FSTL5: variants seen among roughly 807,000 people sequenced by gnomAD.
FSTL5 encodes follistatin like 5, also known as follistatin-related protein 5.
FSTL5 carries 62 observed loss-of-function variants against 89.1 expected under a neutral mutation model. The ratio of observed to expected loss-of-function variants is 0.70; its 90% CI spans 0.57 to 0.86. FSTL5 has a LOEUF of 0.86. Ranked by LOEUF, FSTL5 falls within the 40% of genes least tolerant of loss-of-function variation. The pLI is 0.00. For synonymous variants in FSTL5, 383 were observed against 346.2 expected, an observed-to-expected ratio of 1.11 and a Z score of -1.18; for missense variants, 1,057 against 1,001.6, an observed-to-expected ratio of 1.06 and a Z score of -0.75.
chr4:162,082,758 C>G (rs1730151209), intron 2 of FSTL5, among the ~76,000 whole-genome samples: 1 of 151,336 alleles, frequency 6.6e-6, no homozygotes, highest in East Asian at 1.9e-4. Context: ...CTTCTGATGT[C>G]AGGATCATAT....
chr4:161,437,221 G>A (rs898290241), intron 15 of FSTL5, among the ~76,000 whole-genome samples: 2 of 151,978 alleles, frequency 1.3e-5, no homozygotes, highest in African/African-American at 4.8e-5. Flanking sequence ...AGATCACTGC[G>A]GGTTTGACAG....
intron 15 of FSTL5, among the ~76,000 whole-genome samples, chr4:161,396,222 C>T (rs377722366): frequency 6.6e-6 from 1 of 152,054 alleles, no homozygotes. Context: ...CATGAACGCA[C>T]ACATGACTGA....
intron 12 of FSTL5, among the ~76,000 whole-genome samples, chr4:161,497,854 ATAAGT>A (rs35436741): frequency 0.017 from 2,564 of 152,054 alleles, 67 homozygotes; most frequent in African/African-American, 0.058. Context: ...TTTGAAGAAA[ATAAGT>A]TAAAGTTGTC....
intron 2 of FSTL5, among the ~76,000 whole-genome samples, chr4:162,049,489 T>C (rs985880531): frequency 2.0e-5 from 3 of 152,156 alleles, no homozygotes; most frequent in Non-Finnish European, 4.4e-5. Flanking sequence ...ACAATATAGT[T>C]TGTTTGAAAG....
At chr4:161,766,558 T>G (rs986366090) in intron 5 of FSTL5, among the ~76,000 whole-genome samples, 2 of 152,202 alleles carry the variant, frequency 1.3e-5, no homozygotes, top group Non-Finnish European at 2.9e-5. Context: ...CCCATGATTC[T>G]CCAACCTAAA....
chr4:161,986,955 T>C (rs1030839115), intron 3 of FSTL5, among the ~76,000 whole-genome samples: 1 of 152,174 alleles, frequency 6.6e-6, no homozygotes, highest in African/African-American at 2.4e-5. Context: ...TATTCAAAAC[T>C]AGAAGTTGTG....
chr4:161,658,367 G>A (rs1231360977), intron 6 of FSTL5, among the ~76,000 whole-genome samples: 3 of 151,826 alleles, frequency 2.0e-5, no homozygotes, highest in South Asian at 2.1e-4. Context: ...GCTGAGGCAG[G>A]AGAATCTCTT....
intron 11 of FSTL5, among the ~76,000 whole-genome samples, chr4:161,503,968 G>A (rs1730389335): frequency 6.6e-6 from 1 of 151,778 alleles, no homozygotes; most frequent in East Asian, 1.9e-4. Context: ...GTAGGGTTTA[G>A]TTTTCAACAG....
At chr4:161,936,205 G>T (rs554177630) in intron 3 of FSTL5, among the ~76,000 whole-genome samples, 22 of 152,226 alleles carry the variant, frequency 1.4e-4, no homozygotes, top group African/African-American at 4.8e-4. Flanking sequence ...GTGAATTTAG[G>T]TAATTGTAGG....
At chr4:162,070,321 C>G (rs199716187) in intron 2 of FSTL5, among the ~76,000 whole-genome samples, 1 of 151,666 alleles carries the variant, frequency 6.6e-6, no homozygotes, top group East Asian at 1.9e-4. Context: ...ATGTTATCTA[C>G]TTAATCATTT....
chr4:161,519,361 C>G (rs1560934785), intron 10 of FSTL5, among the ~76,000 whole-genome samples: 1 of 151,940 alleles, frequency 6.6e-6, no homozygotes, highest in Non-Finnish European at 1.5e-5. Flanking sequence ...CCTGTCTCTA[C>G]TAAAAATATA....
intron 8 of FSTL5, among the ~76,000 whole-genome samples, chr4:161,586,382 T>A (rs1283554258): frequency 6.6e-6 from 1 of 152,188 alleles, no homozygotes; most frequent in African/African-American, 2.4e-5. Flanking sequence ...TCTCAAAATG[T>A]GTTCCTTCTT....
At chr4:161,756,479 C>T (rs559903908) in intron 6 of FSTL5, among the ~76,000 whole-genome samples, 19 of 152,086 alleles carry the variant, frequency 1.2e-4, no homozygotes, top group South Asian at 1.0e-3. Flanking sequence ...ATATATATTT[C>T]CTTCTATCCA....
chr4:161,996,746 T>G (rs1476615254), intron 3 of FSTL5, among the ~76,000 whole-genome samples: 2 of 152,236 alleles, frequency 1.3e-5, no homozygotes, highest in Non-Finnish European at 2.9e-5. Flanking sequence ...CAACTTTATT[T>G]GCTTCCAACA....
intron 15 of FSTL5, among the ~76,000 whole-genome samples, chr4:161,428,745 C>A (rs1183520131): frequency 6.6e-6 from 1 of 152,170 alleles, no homozygotes; most frequent in Non-Finnish European, 1.5e-5. Flanking sequence ...TCACCATGGG[C>A]TCAGAGTGAC....
At chr4:161,452,979 T>A (rs1733225465) in intron 15 of FSTL5, among the ~76,000 whole-genome samples, 1 of 152,306 alleles carries the variant, frequency 6.6e-6, no homozygotes, top group South Asian at 2.1e-4. Flanking sequence ...CAACTCCAGC[T>A]CTGAGGTAAT....
chr4:161,885,428 A>C (rs539421353), intron 4 of FSTL5, among the ~76,000 whole-genome samples: 2 of 152,246 alleles, frequency 1.3e-5, no homozygotes, highest in East Asian at 3.9e-4. Context: ...AAAAAGCCTT[A>C]CCATATCCAT....
intron 6 of FSTL5, among the ~76,000 whole-genome samples, chr4:161,741,579 T>C (rs1423636846): frequency 6.6e-6 from 1 of 152,070 alleles, no homozygotes; most frequent in Non-Finnish European, 1.5e-5. Context: ...TGAATACAGA[T>C]TGCATTCCAG....
At chr4:161,854,673 G>A in intron 4 of FSTL5, among the ~76,000 whole-genome samples, 1 of 152,034 alleles carries the variant, frequency 6.6e-6, no homozygotes, top group South Asian at 2.1e-4. Flanking sequence ...AAACTACTGT[G>A]CAAAATACTA....
Sources: gnomAD v4.1 joint callset for allele counts (sites outside exome capture counted in the v4.1 genomes callset) on GRCh38, gnomAD v4.1.1 for gene constraint, MANE v1.5 for transcripts, NCBI Gene and HGNC (gene_info 2026-07-23, HGNC 2026-07-21) for gene names.